The following PRDM11 variants were observed in gnomAD, a reference collection of about 807,000 sequenced individuals.
The protein encoded by PRDM11 is PR/SET domain 11, also known as PR domain-containing protein 11.
PRDM11 carries 20 observed loss-of-function variants against 97.8 expected under a neutral mutation model. The ratio of observed to expected loss-of-function variants is 0.20; its 90% confidence interval spans 0.14 to 0.30. The LOEUF is 0.30. Among genes scored for constraint, PRDM11 ranks in the 10% least tolerant of loss-of-function variants. The pLI is 1.00. For synonymous variants in PRDM11, 599 were observed against 637.7 expected, an observed-to-expected ratio of 0.94 and a Z score of 0.91; for missense variants, 1,139 against 1,555.2, an observed-to-expected ratio of 0.73 and a Z score of 4.50.
chr11:45,213,965 G>C lies in PRDM11; in HGVS notation c.555-5605G>C, dbSNP rs1250266315. 5 of 344,530 alleles carry C rather than the reference G, an allele frequency of 1.5e-5. No homozygotes were observed. In the Admixed American group the frequency reaches 1.5e-4, roughly 11 times the overall value. The allele number at this position is 344,530 out of a possible 1,614,324, so 21.3% of individuals were successfully genotyped here. On this transcript the variant is annotated intron_variant, in intron 5 of 7. Transcript: ENST00000683152. ...CTGTATCTCTGCTTCTGCCTCAGCT[G>C]TCCTGGGTGAGGTGGGAGGCACCTA...
chr11:45,174,175 T>C (rs1017968586), intron 1 of PRDM11, among the ~76,000 whole-genome samples: 1 of 152,222 alleles, frequency 6.6e-6, no homozygotes, highest in African/African-American at 2.4e-5. Flanking sequence ...CTTTCTTTTC[T>C]TGGCATTATC....
intron 4 of PRDM11, among the ~76,000 whole-genome samples, chr11:45,194,253 A>T (rs562619163): frequency 6.6e-6 from 1 of 152,346 alleles, no homozygotes; most frequent in African/African-American, 2.4e-5. Flanking sequence ...AAATGAAAAC[A>T]TGGAATTAAA....
In PRDM11 at chr11:45,226,012, T is replaced by A; in HGVS notation, c.1387T>A (p.Ser463Thr). 6.6e-7 allele frequency: 1 copy of A among 1,505,460 alleles called. No homozygotes were observed. The highest frequency in any genetic ancestry group is 8.9e-7 in the Non-Finnish European group (1 of 1,125,510). 93.3% of individuals were successfully genotyped at this position (1,505,460 alleles called of 1,614,324 possible). Residue 463 changes from serine to threonine, a missense_variant, in exon 8 of 8, where the codon TCC becomes ACC. Ser to Thr is a moderately conservative substitution (Grantham distance 58, BLOSUM62 1). Transcript: ENST00000683152. Reference protein sequence around the residue: ...SDPAASESMVSGPAIMEDDDQ... With the variant: ...SDPAASESMVTGPAIMEDDDQ... ...TTTTTCAGCCTCAGAAAGCATGGTC[T>A]CCGGCCCCGCCATCATGGAGGATGA...
chr11:45,102,693 GAC>G (rs141348440), intron 1 of PRDM11, among the ~76,000 whole-genome samples: 18,524 of 152,102 alleles, frequency 0.12, 1,188 homozygotes, highest in Non-Finnish European at 0.14. Flanking sequence ...GATGACCTGT[GAC>G]ACACACCCTG....
intron 1 of PRDM11, among the ~76,000 whole-genome samples, chr11:45,177,747 C>T (rs553363673): frequency 1.6e-4 from 24 of 152,224 alleles, no homozygotes; most frequent in Non-Finnish European, 2.6e-4. Context: ...AATAAGGACT[C>T]GGTAACTCAT....
intron 1 of PRDM11, among the ~76,000 whole-genome samples, chr11:45,100,263 G>C (rs896700066): frequency 6.6e-6 from 1 of 152,200 alleles, no homozygotes; most frequent in African/African-American, 2.4e-5. Context: ...TAAAATCCGA[G>C]TGACTGAGAC....
At chr11:45,127,753 G>T (rs975783278) in intron 1 of PRDM11, among the ~76,000 whole-genome samples, 29 of 152,256 alleles carry the variant, frequency 1.9e-4, no homozygotes, top group Non-Finnish European at 4.0e-4. Context: ...TGAGGTGTCA[G>T]TCTGCCCCTA....
intron 5 of PRDM11, among the ~76,000 whole-genome samples, chr11:45,218,791 C>A (rs1005977965): frequency 6.6e-6 from 1 of 152,222 alleles, no homozygotes; most frequent in Non-Finnish European, 1.5e-5. Context: ...TTTGACAGAA[C>A]TTTAAAGGTT....
chr11:45,225,118 T>C, intron 7 of PRDM11: 1 of 1,416,146 alleles, frequency 7.1e-7, no homozygotes, highest in Non-Finnish European at 9.2e-7. Context: ...TCTTGACCCG[T>C]TGCCTTTCTC....
At chr11:45,198,187 T>C (rs1190377251) in intron 4 of PRDM11, among the ~76,000 whole-genome samples, 1 of 152,206 alleles carries the variant, frequency 6.6e-6, no homozygotes, top group East Asian at 1.9e-4. Context: ...TTTTAAGGGA[T>C]GCCCCCTTTC....
intron 1 of PRDM11, among the ~76,000 whole-genome samples, chr11:45,121,631 T>G (rs1852432761): frequency 6.6e-6 from 1 of 152,202 alleles, no homozygotes; most frequent in African/African-American, 2.4e-5. Context: ...ATTGAATAAC[T>G]GCAGAATGAA....
chr11:45,201,074 C>T (rs1020879681), intron 4 of PRDM11, among the ~76,000 whole-genome samples: 24 of 152,132 alleles, frequency 1.6e-4, no homozygotes, highest in Middle Eastern at 3.2e-3. Context: ...AAGCTACTAG[C>T]ATGAAATCAC....
At chr11:45,115,256 T>C (rs1253780724) in intron 1 of PRDM11, among the ~76,000 whole-genome samples, 3 of 152,098 alleles carry the variant, frequency 2.0e-5, no homozygotes, top group Non-Finnish European at 4.4e-5. Flanking sequence ...TAAGGACTCA[T>C]ATTAAAATTG....
intron 1 of PRDM11, among the ~76,000 whole-genome samples, chr11:45,140,394 G>A (rs1241900890): frequency 6.6e-6 from 1 of 152,154 alleles, no homozygotes; most frequent in Non-Finnish European, 1.5e-5. Context: ...CTTGGCTCCT[G>A]GCCCAGATCT....
intron 1 of PRDM11, among the ~76,000 whole-genome samples, chr11:45,136,337 G>C (rs1262869402): frequency 6.6e-6 from 1 of 152,132 alleles, no homozygotes; most frequent in Non-Finnish European, 1.5e-5. Flanking sequence ...TGCCTAGTAA[G>C]CCAAGGTGAA....
intron 5 of PRDM11, chr11:45,213,210 G>A: frequency 2.2e-6 from 1 of 456,592 alleles, no homozygotes. Flanking sequence ...GTCTAACAGA[G>A]CATGTATTCA....
chr11:45,201,456 T>C (rs1853322568), intron 4 of PRDM11, among the ~76,000 whole-genome samples: 1 of 152,102 alleles, frequency 6.6e-6, no homozygotes, highest in Admixed American at 6.5e-5. Flanking sequence ...CTTCCTTCCT[T>C]TCTTGTTTCT....
At chr11:45,183,192 C>G (rs1399796833) in intron 4 of PRDM11, 69 bp downstream of exon 4, 4 of 1,518,564 alleles carry the variant, frequency 2.6e-6, no homozygotes, top group East Asian at 4.6e-5. Flanking sequence ...CCAGGGGGAG[C>G]CATACTGGCC....
intron 5 of PRDM11, among the ~76,000 whole-genome samples, chr11:45,208,106 A>T (rs1853580613): frequency 6.6e-6 from 1 of 152,188 alleles, no homozygotes; most frequent in Admixed American, 6.5e-5. Flanking sequence ...GTGTCCACCA[A>T]AGTGGAACTT....
Sources: gnomAD v4.1 joint callset for allele counts (sites outside exome capture counted in the v4.1 genomes callset) on GRCh38, gnomAD v4.1.1 for gene constraint, MANE v1.5 for transcripts, NCBI Gene and HGNC (gene_info 2026-07-23, HGNC 2026-07-21) for gene names.